Variants in TYW1B observed in about 807,000 individuals in gnomAD.
TYW1B encodes S-adenosyl-L-methionine-dependent tRNA 4-demethylwyosine synthase TYW1B.
A neutral mutation model predicts 86.9 loss-of-function variants in TYW1B; 73 were observed. The observed-to-expected ratio is 0.84, with a 90% CI of 0.70 to 1.02. The LOEUF (loss-of-function observed/expected upper bound fraction) is 1.02. Among genes scored for constraint, TYW1B ranks in the 50% least tolerant of loss-of-function variants. TYW1B has a pLI of 0.00. For synonymous variants in TYW1B, 248 were observed against 292.8 expected (o/e 0.85, Z 1.56); for missense variants, 637 against 827.4 (o/e 0.77, Z 2.82).
At chr7:72,763,321 C>T (rs1370960734) in intron 7 of TYW1B, among the ~76,000 whole-genome samples, 1 of 118,716 alleles carries the variant, frequency 8.4e-6, no homozygotes, top group East Asian at 2.4e-4. Flanking sequence ...TTGCTCTTGT[C>T]ACCTAGGCTG....
At chr7:72,639,417 T>A (rs572494120) in intron 11 of TYW1B, among the ~76,000 whole-genome samples, 1 of 152,072 alleles carries the variant, frequency 6.6e-6, no homozygotes, top group Non-Finnish European at 1.5e-5. Context: ...TCCTCCTACC[T>A]TGAACTCCCA....
chr7:72,670,598 T>C (rs1278849870), intron 11 of TYW1B, among the ~76,000 whole-genome samples: 7 of 152,230 alleles, frequency 4.6e-5, no homozygotes, highest in Non-Finnish European at 8.8e-5. Context: ...GTTGCATAGC[T>C]ATTATAGCAT....
chr7:72,797,892 T>C lies in TYW1B; in HGVS notation c.846+4508A>G, dbSNP rs1368383221. Among the ~76,000 whole-genome samples, 9 of 152,038 alleles carry C rather than the reference T, an allele frequency of 5.9e-5. No homozygotes were observed. In the East Asian group the frequency reaches 1.7e-3, roughly 29 times the overall value. On this transcript the variant is annotated intron_variant, in intron 6 of 13. Coordinates refer to ENST00000620995, the MANE Select transcript of TYW1B (RefSeq NM_001145440.3). ...AACATGTCCAGTCAGACACTAACTC[T>C]GGGTAGGACATATCAGAATTGAATT... is the stretch of plus-strand genomic sequence containing the variant.
chr7:72,579,318 A>G (rs1417779968), intron 13 of TYW1B, among the ~76,000 whole-genome samples: 1 of 152,246 alleles, frequency 6.6e-6, no homozygotes, highest in Non-Finnish European at 1.5e-5. Context: ...TTGCACAGGT[A>G]GGACAACTGT....
At chr7:72,591,776 AATTG>A (rs1811400881) in intron 13 of TYW1B, among the ~76,000 whole-genome samples, 1 of 152,078 alleles carries the variant, frequency 6.6e-6, no homozygotes, top group Non-Finnish European at 1.5e-5. Context: ...GCAAATATAA[AATTG>A]ATTGTTATAG....
chr7:72,583,329 G>A (rs111532501), intron 13 of TYW1B, among the ~76,000 whole-genome samples: 8 of 152,266 alleles, frequency 5.3e-5, no homozygotes, highest in African/African-American at 1.4e-4. Context: ...CAGCCTGGGG[G>A]ACAGAGCAAG....
chr7:72,632,303 G>GTATATATATATAA (rs1388872984), intron 11 of TYW1B, among the ~76,000 whole-genome samples: 1 of 56,518 alleles, frequency 1.8e-5, no homozygotes, highest in Non-Finnish European at 2.7e-5. Context: ...ATATATACGT[G>GTATATATATATAA]TATATATATT....
chr7:72,762,000 T>G (rs1787692967), intron 7 of TYW1B, among the ~76,000 whole-genome samples: 1 of 152,100 alleles, frequency 6.6e-6, no homozygotes, highest in Non-Finnish European at 1.5e-5. Flanking sequence ...ATTGTTTATA[T>G]TTAGTCTTTC....
At chr7:72,826,338 AATCTGACAC>A (rs1184457004) in intron 2 of TYW1B, among the ~76,000 whole-genome samples, 7 of 152,192 alleles carry the variant, frequency 4.6e-5, no homozygotes, top group African/African-American at 1.7e-4. Context: ...TTTTTCTCTT[AATCTGACAC>A]ACCTGTATTT....
intron 11 of TYW1B, among the ~76,000 whole-genome samples, chr7:72,644,503 G>A (rs1812878205): frequency 1.3e-5 from 2 of 152,062 alleles, no homozygotes; most frequent in Non-Finnish European, 2.9e-5. Flanking sequence ...AAATGAGATC[G>A]TGCTACTGCA....
chr7:72,758,603 CCAT>C lies in TYW1B; in HGVS notation c.965-14005_965-14003del, dbSNP rs199650279. 5.3e-3 allele frequency among the ~76,000 whole-genome samples: 813 copies of C among 152,258 alleles called. 30 individuals are homozygous for C. The highest frequency in any genetic ancestry group is 0.047 in the Admixed American group (712 of 15,274). On this transcript the variant is annotated intron_variant, in intron 7 of 13. Coordinates refer to ENST00000620995, the MANE Select transcript of TYW1B (RefSeq NM_001145440.3). ...ACTTGAGCCCTTGAGCTCTCCACCA[CCAT>C]GATTCGCCTTTTCTGCCCTGGTATG...
At chr7:72,632,397 T>TACGC (rs1563038740) in intron 11 of TYW1B, among the ~76,000 whole-genome samples, 3 of 103,114 alleles carry the variant, frequency 2.9e-5, no homozygotes, top group African/African-American at 5.2e-5. Context: ...CGTATATATA[T>TACGC]ATAATATATA....
intron 9 of TYW1B, chr7:72,723,135 T>A: frequency 1.5e-6 from 1 of 657,546 alleles, no homozygotes; most frequent in Non-Finnish European, 2.3e-6. Context: ...GGCTTGTATA[T>A]AGATTATAAA....
intron 8 of TYW1B, among the ~76,000 whole-genome samples, chr7:72,743,228 C>T (rs1787335170): frequency 6.6e-6 from 1 of 152,036 alleles, no homozygotes; most frequent in Admixed American, 6.6e-5. Context: ...CTTCTCCTAC[C>T]ATCATAACAC....
intron 11 of TYW1B, among the ~76,000 whole-genome samples, chr7:72,682,305 CTTA>C (rs2129569981): frequency 6.6e-6 from 1 of 151,584 alleles, no homozygotes; most frequent in South Asian, 2.1e-4. Flanking sequence ...GTAATGATAG[CTTA>C]TCAAATCTGT....
At chr7:72,605,176 G>A (rs576677990) in intron 13 of TYW1B, among the ~76,000 whole-genome samples, 1 of 152,224 alleles carries the variant, frequency 6.6e-6, no homozygotes, top group Admixed American at 6.5e-5. Flanking sequence ...CACTGCAAAC[G>A]ACCACGAAGT....
chr7:72,579,761 C>T (rs1173027202), intron 13 of TYW1B, among the ~76,000 whole-genome samples: 2 of 152,156 alleles, frequency 1.3e-5, no homozygotes, highest in Non-Finnish European at 2.9e-5. Flanking sequence ...AGCCATCCTC[C>T]CACCTCAGCC....
intron 6 of TYW1B, among the ~76,000 whole-genome samples, chr7:72,797,834 A>G (rs1247275861): frequency 6.6e-6 from 1 of 152,166 alleles, no homozygotes; most frequent in Non-Finnish European, 1.5e-5. Flanking sequence ...AGGTATCTGA[A>G]GTCAGGGCAG....
chr7:72,667,691 T>C (rs1245127893), intron 11 of TYW1B, among the ~76,000 whole-genome samples: 3 of 152,066 alleles, frequency 2.0e-5, no homozygotes, highest in Non-Finnish European at 4.4e-5. Context: ...CCAGCCTGGG[T>C]GGCAGAGCAA....
Sources: allele counts gnomAD v4.1 joint callset (sites outside exome capture counted in the v4.1 genomes callset), GRCh38; gene constraint gnomAD v4.1.1; transcripts MANE v1.5; gene names NCBI Gene and HGNC (gene_info 2026-07-23, HGNC 2026-07-21).